Variants in XYLT1 observed in about 807,000 individuals in gnomAD.
XYLT1 encodes beta-D-xylosyltransferase 1.
XYLT1 carries 36 observed loss-of-function variants against 91.3 expected under a neutral mutation model. The observed-to-expected ratio is 0.39, with a 90% CI of 0.30 to 0.52. XYLT1 has a LOEUF of 0.52. XYLT1 is among the 20% of genes least tolerant of loss of function. The pLI is 0.68. For synonymous variants in XYLT1, 588 were observed against 532.0 expected (o/e 1.11, Z -1.45); for missense variants, 1,242 against 1,284.5 (o/e 0.97, Z 0.51).
chr16:17,396,341 CTGGGTGACCT>C (rs1352697455), intron 1 of XYLT1, among the ~76,000 whole-genome samples: 1 of 152,180 alleles, frequency 6.6e-6, no homozygotes, highest in African/African-American at 2.4e-5. Flanking sequence ...GAAAGCTCAG[CTGGGTGACCT>C]TGGGCATGTT....
At chr16:17,396,848 G>A (rs1320389981) in intron 1 of XYLT1, among the ~76,000 whole-genome samples, 3 of 152,158 alleles carry the variant, frequency 2.0e-5, no homozygotes, top group Non-Finnish European at 4.4e-5. Context: ...TCTGGCCTGG[G>A]CAGAGTGGGA....
intron 3 of XYLT1, among the ~76,000 whole-genome samples, chr16:17,248,724 C>T (rs1014415139): frequency 6.6e-6 from 1 of 150,468 alleles, no homozygotes; most frequent in Non-Finnish European, 1.5e-5. Context: ...CCCAGAATTG[C>T]TGTTGCAATT....
chr16:17,284,913 C>A (rs1264506633), intron 2 of XYLT1, among the ~76,000 whole-genome samples: 1 of 152,146 alleles, frequency 6.6e-6, no homozygotes, highest in East Asian at 1.9e-4. Context: ...CAAGATGGGG[C>A]TGAACCTGGG....
chr16:17,361,089 T>C (rs1050950072), intron 1 of XYLT1, among the ~76,000 whole-genome samples: 1 of 152,220 alleles, frequency 6.6e-6, no homozygotes, highest in East Asian at 1.9e-4. Flanking sequence ...ACTGTGTGCT[T>C]CTGCAGCCCT....
At chr16:17,125,210 CT>C (rs1384510436) in intron 10 of XYLT1, among the ~76,000 whole-genome samples, 2 of 152,158 alleles carry the variant, frequency 1.3e-5, no homozygotes, top group South Asian at 4.1e-4. Flanking sequence ...GGCAATCCAC[CT>C]CCTTCAAAGG....
At chr16:17,230,718 C>T (rs1402465572) in intron 3 of XYLT1, among the ~76,000 whole-genome samples, 1 of 152,188 alleles carries the variant, frequency 6.6e-6, no homozygotes, top group Non-Finnish European at 1.5e-5. Flanking sequence ...TCCGTGATAG[C>T]CTTTTCTTTC....
At chr16:17,417,720 C>G (rs887896672) in intron 1 of XYLT1, among the ~76,000 whole-genome samples, 14 of 152,214 alleles carry the variant, frequency 9.2e-5, no homozygotes, top group African/African-American at 3.1e-4. Context: ...TATTCCCCTC[C>G]TCTTGAAGCC....
chr16:17,366,397 T>C (rs112552435), intron 1 of XYLT1, among the ~76,000 whole-genome samples: 7 of 152,316 alleles, frequency 4.6e-5, no homozygotes, highest in African/African-American at 1.4e-4. Context: ...TTTGTAAATA[T>C]TATCTTATTT....
intron 2 of XYLT1, among the ~76,000 whole-genome samples, chr16:17,289,623 C>A (rs1174717347): frequency 5.3e-5 from 8 of 152,144 alleles, no homozygotes; most frequent in Non-Finnish European, 1.2e-4. Context: ...TGATTGCATT[C>A]CAAATCCAAG....
chr16:17,276,111 C>G (rs1003821011), intron 2 of XYLT1, among the ~76,000 whole-genome samples: 3 of 152,172 alleles, frequency 2.0e-5, no homozygotes, highest in African/African-American at 7.2e-5. Context: ...GATTTCAGAA[C>G]TGAGCTTCCC....
chr16:17,319,218 A>G (rs1177822968), intron 2 of XYLT1, among the ~76,000 whole-genome samples: 1 of 152,218 alleles, frequency 6.6e-6, no homozygotes, highest in Admixed American at 6.5e-5. Flanking sequence ...GGCCACAGAA[A>G]GAAATACATG....
At chr16:17,432,648 G>C (rs1174106274) in intron 1 of XYLT1, among the ~76,000 whole-genome samples, 1 of 152,152 alleles carries the variant, frequency 6.6e-6, no homozygotes, top group African/African-American at 2.4e-5. Flanking sequence ...CCCTTGAAAT[G>C]TGTAAATTTT....
At chr16:17,466,420 C>A (rs1259578970) in intron 1 of XYLT1, among the ~76,000 whole-genome samples, 2 of 152,160 alleles carry the variant, frequency 1.3e-5, no homozygotes, top group African/African-American at 4.8e-5. Flanking sequence ...CTAAGGATAT[C>A]TTTGCTTTCT....
intron 1 of XYLT1, among the ~76,000 whole-genome samples, chr16:17,466,811 A>T (rs1160059764): frequency 1.3e-5 from 2 of 152,218 alleles, no homozygotes; most frequent in African/African-American, 4.8e-5. Context: ...CAGTAAGATA[A>T]ATATTATTCA....
chr16:17,197,505 T>C (rs2141586329), intron 5 of XYLT1, among the ~76,000 whole-genome samples: 1 of 152,320 alleles, frequency 6.6e-6, no homozygotes, highest in East Asian at 1.9e-4. Flanking sequence ...CAAAGTACTG[T>C]TTCTGGCCAT....
chr16:17,115,238 G>A (rs1206761367), intron 11 of XYLT1, among the ~76,000 whole-genome samples: 2 of 151,176 alleles, frequency 1.3e-5, no homozygotes, highest in Non-Finnish European at 2.9e-5. Context: ...GGTGGCCAAG[G>A]TGGGAGGGTT....
chr16:17,453,369 A>C (rs2036693080), intron 1 of XYLT1, among the ~76,000 whole-genome samples: 1 of 152,178 alleles, frequency 6.6e-6, no homozygotes, highest in Non-Finnish European at 1.5e-5. Flanking sequence ...GACAAGCCCC[A>C]GAAAGAATAT....
intron 6 of XYLT1, 143 bp downstream of exon 6, chr16:17,158,686 A>G (rs2031474837): frequency 2.5e-6 from 2 of 795,140 alleles, no homozygotes; most frequent in Non-Finnish European, 4.2e-6. Flanking sequence ...TCCCACGCAG[A>G]CACAGCGAAG....
At chr16:17,271,081 A>T (rs972321446) in intron 2 of XYLT1, among the ~76,000 whole-genome samples, 9 of 152,162 alleles carry the variant, frequency 5.9e-5, no homozygotes, top group Admixed American at 5.9e-4. Flanking sequence ...GACAACAACC[A>T]TGTCTGTTTT....
Sources: gnomAD v4.1 joint callset for allele counts (sites outside exome capture counted in the v4.1 genomes callset) on GRCh38, gnomAD v4.1.1 for gene constraint, MANE v1.5 for transcripts, NCBI Gene and HGNC (gene_info 2026-07-23, HGNC 2026-07-21) for gene names.